IL1RAPL1: variants seen among roughly 807,000 people sequenced by gnomAD.
IL1RAPL1 encodes interleukin 1 receptor accessory protein like 1.
A neutral mutation model predicts 48.4 loss-of-function variants in IL1RAPL1; 3 were observed. The ratio of observed to expected loss-of-function variants is 0.06; its 90% CI spans 0.03 to 0.16. The LOEUF (loss-of-function observed/expected upper bound fraction) is 0.16, where lower values mean the gene tolerates loss of function less well. Ranked by LOEUF, IL1RAPL1 falls within the 10% of genes least tolerant of loss-of-function variation. The pLI, the probability that IL1RAPL1 is intolerant of heterozygous loss-of-function variation, is 1.00. For synonymous variants in IL1RAPL1, 185 were observed against 187.7 expected (o/e 0.99, Z 0.12); for missense variants, 349 against 530.6 (o/e 0.66, Z 3.36).
chrX:29,946,303 A>G (rs1933212036), intron 9 of IL1RAPL1, among the ~76,000 whole-genome samples: 1 of 112,194 alleles, frequency 8.9e-6, no homozygotes, highest in East Asian at 2.8e-4. Flanking sequence ...AATTGCCATC[A>G]AAGGGTGACC....
At chrX:29,777,232 A>G (rs1423922795) in intron 6 of IL1RAPL1, among the ~76,000 whole-genome samples, 3 of 112,395 alleles carry the variant, frequency 2.7e-5, no homozygotes, top group Non-Finnish European at 5.6e-5. Context: ...AGCCAACAAT[A>G]AAATATTTTT....
At chrX:29,478,535 A>G (rs1306166943) in intron 5 of IL1RAPL1, among the ~76,000 whole-genome samples, 3 of 110,602 alleles carry the variant, frequency 2.7e-5, no homozygotes, top group African/African-American at 9.9e-5. Flanking sequence ...AAGACAGATC[A>G]TCACTAGTCC....
At chrX:28,840,049 G>T (rs1218825654) in intron 2 of IL1RAPL1, among the ~76,000 whole-genome samples, 1 of 110,823 alleles carries the variant, frequency 9.0e-6, no homozygotes, top group African/African-American at 3.3e-5. Context: ...GTACCAAAAC[G>T]ATATTGGACA....
chrX:28,780,389 T>C (rs1386959629), intron 1 of IL1RAPL1, among the ~76,000 whole-genome samples: 1 of 102,533 alleles, frequency 9.8e-6, no homozygotes, highest in East Asian at 3.7e-4. Flanking sequence ...CCAGAATCTA[T>C]TTTAATTAGA....
At chrX:28,881,930 A>G (rs1441081104) in intron 2 of IL1RAPL1, among the ~76,000 whole-genome samples, 1 of 110,587 alleles carries the variant, frequency 9.0e-6, no homozygotes, top group Non-Finnish European at 1.9e-5. Context: ...GGATGTGCCA[A>G]AAGGAGAAGA....
intron 1 of IL1RAPL1, among the ~76,000 whole-genome samples, chrX:28,781,236 A>T (rs12855419): frequency 0.47 from 50,745 of 107,984 alleles, 8,713 homozygotes; most frequent in Middle Eastern, 0.63. Context: ...GTCTTATCTG[A>T]GACTTGAAGT....
At chrX:29,194,784 G>A (rs1259588230) in intron 2 of IL1RAPL1, among the ~76,000 whole-genome samples, 1 of 111,356 alleles carries the variant, frequency 9.0e-6, no homozygotes, top group African/African-American at 3.3e-5. Context: ...GAGTGGAGTC[G>A]ATGCATATCT....
chrX:28,889,281 C>G (rs1922717112), intron 2 of IL1RAPL1, among the ~76,000 whole-genome samples: 1 of 111,504 alleles, frequency 9.0e-6, no homozygotes, highest in Non-Finnish European at 1.9e-5. Context: ...CAATCCCTAA[C>G]ATTTCTTAGA....
intron 1 of IL1RAPL1, among the ~76,000 whole-genome samples, chrX:28,768,824 GTA>G (rs200366562): frequency 0.033 from 2,341 of 71,112 alleles, 43 homozygotes; most frequent in Middle Eastern, 0.14. Flanking sequence ...ATGTGTGTGT[GTA>G]TATATATATA....
chrX:28,698,545 T>G (rs932648735), intron 1 of IL1RAPL1, among the ~76,000 whole-genome samples: 4 of 111,682 alleles, frequency 3.6e-5, no homozygotes, highest in African/African-American at 1.3e-4. Context: ...TTTAGTGCTT[T>G]TGTTTTATAT....
chrX:28,590,574 G>A (rs1311698938), intron 1 of IL1RAPL1, among the ~76,000 whole-genome samples: 1 of 111,592 alleles, frequency 9.0e-6, no homozygotes, highest in Non-Finnish European at 1.9e-5. Flanking sequence ...TTCATATTGT[G>A]TAGGAAATTG....
chrX:29,584,269 A>G (rs1379676127), intron 5 of IL1RAPL1, among the ~76,000 whole-genome samples: 3 of 111,137 alleles, frequency 2.7e-5, no homozygotes, highest in African/African-American at 9.8e-5. Flanking sequence ...TTTTTCTCCC[A>G]TCATCAATTT....
chrX:28,692,573 ATAG>A (rs1403872121), intron 1 of IL1RAPL1, among the ~76,000 whole-genome samples: 1 of 111,736 alleles, frequency 8.9e-6, no homozygotes, highest in Non-Finnish European at 1.9e-5. Flanking sequence ...CACTCAATAA[ATAG>A]TAGTCATTTT....
At chrX:29,608,395 AAAAG>A (rs1221175505) in intron 5 of IL1RAPL1, among the ~76,000 whole-genome samples, 1 of 110,563 alleles carries the variant, frequency 9.0e-6, no homozygotes, top group African/African-American at 3.3e-5. Context: ...TTCAAAAAAA[AAAAG>A]GAAGGAAGGA....
At chrX:29,604,785 TAAG>T (rs901269483) in intron 5 of IL1RAPL1, among the ~76,000 whole-genome samples, 3 of 111,108 alleles carry the variant, frequency 2.7e-5, no homozygotes, top group African/African-American at 9.8e-5. Context: ...AACCCTAAAG[TAAG>T]AAGACTTCCT....
At position 29,240,221 on chromosome X, in the gene IL1RAPL1, TA is replaced by T. The variant is rs1424980196; in HGVS notation, c.83-42716del. On this transcript the variant is annotated intron_variant, in intron 2 of 10. Coordinates refer to ENST00000378993, the MANE Select transcript of IL1RAPL1 (RefSeq NM_014271.4). The stretch of plus-strand genomic sequence containing the variant: ...ATATATATATATATATATATATATA[TA>T]TATTTTTTTTTTTTTTTTTTTTTTT... Among the ~76,000 whole-genome samples the T allele has an allele frequency of 5.9e-3, 129 of 21,974 alleles. 2 individuals are homozygous for T. The highest frequency in any genetic ancestry group is 9.0e-3 in the Admixed American group (14 of 1,551). The allele number at this position is 21,974 out of a possible 115,157, so 19.1% of individuals were successfully genotyped here.
At chrX:29,094,034 A>G (rs966106575) in intron 2 of IL1RAPL1, among the ~76,000 whole-genome samples, 1 of 111,961 alleles carries the variant, frequency 8.9e-6, no homozygotes, top group Admixed American at 9.4e-5. Context: ...AGCAAGAAAT[A>G]TTTCTTTTTT....
At chrX:29,900,866 T>C (rs1362707811) in intron 6 of IL1RAPL1, among the ~76,000 whole-genome samples, 1 of 112,001 alleles carries the variant, frequency 8.9e-6, no homozygotes, top group Non-Finnish European at 1.9e-5. Context: ...CTAGAGGCAC[T>C]GATGGATACA....
intron 5 of IL1RAPL1, among the ~76,000 whole-genome samples, chrX:29,577,226 GTT>G (rs1922806148): frequency 9.0e-6 from 1 of 111,648 alleles, no homozygotes; most frequent in Non-Finnish European, 1.9e-5. Context: ...TTTCAGTAGT[GTT>G]TTTATACTGC....
Sources: gnomAD v4.1 joint callset for allele counts (sites outside exome capture counted in the v4.1 genomes callset) on GRCh38, gnomAD v4.1.1 for gene constraint, MANE v1.5 for transcripts, NCBI Gene and HGNC (gene_info 2026-07-23, HGNC 2026-07-21) for gene names.